The following PLD5 variants were observed in gnomAD, a reference collection of about 807,000 sequenced individuals.
PLD5 encodes the protein phospholipase D family member 5.
PLD5 carries 36 observed loss-of-function variants against 61.1 expected under a neutral mutation model. The ratio of observed to expected loss-of-function variants is 0.59; its 90% CI spans 0.45 to 0.78. The LOEUF (loss-of-function observed/expected upper bound fraction) is 0.78. Ranked by LOEUF, PLD5 falls within the 30% of genes least tolerant of loss-of-function variation. PLD5 has a pLI of 0.00. For missense variants in PLD5, 515 were observed against 644.4 expected (o/e 0.80, Z 2.17); for synonymous variants, 243 against 242.8 (o/e 1.00, Z -0.01).
At chr1:242,110,225 T>C (rs969883829) in intron 7 of PLD5, among the ~76,000 whole-genome samples, 6 of 151,970 alleles carry the variant, frequency 3.9e-5, no homozygotes, top group Non-Finnish European at 8.8e-5. Context: ...AAGAGTTTGA[T>C]GAGTGAACAA....
At chr1:242,216,283 T>A (rs1670191496) in intron 5 of PLD5, among the ~76,000 whole-genome samples, 1 of 152,064 alleles carries the variant, frequency 6.6e-6, no homozygotes, top group Non-Finnish European at 1.5e-5. Flanking sequence ...AAGGGGGAGA[T>A]GTGGGAGTTC....
intron 2 of PLD5, among the ~76,000 whole-genome samples, chr1:242,298,084 A>C (rs956366890): frequency 1.3e-5 from 2 of 151,948 alleles, no homozygotes; most frequent in Non-Finnish European, 2.9e-5. Context: ...TTAATACTTT[A>C]TTTTTTGTCA....
chr1:242,396,901 A>G (rs1663613677), intron 1 of PLD5, among the ~76,000 whole-genome samples: 1 of 151,528 alleles, frequency 6.6e-6, no homozygotes, highest in African/African-American at 2.4e-5. Context: ...GATGGTCTCG[A>G]TATCTTGACC....
At chr1:242,493,882 G>T (rs2102980714) in intron 1 of PLD5, among the ~76,000 whole-genome samples, 1 of 152,286 alleles carries the variant, frequency 6.6e-6, no homozygotes, top group South Asian at 2.1e-4. Flanking sequence ...TAGTATTCCT[G>T]ACTGCAAAAA....
chr1:242,158,624 C>CT (rs1030090178), intron 5 of PLD5, among the ~76,000 whole-genome samples: 29 of 152,278 alleles, frequency 1.9e-4, no homozygotes, highest in African/African-American at 6.3e-4. Context: ...CCTGCTTCAG[C>CT]TCACCCTCCA....
At chr1:242,193,909 C>T (rs181699024) in intron 5 of PLD5, among the ~76,000 whole-genome samples, 1 of 152,348 alleles carries the variant, frequency 6.6e-6, no homozygotes, top group East Asian at 1.9e-4. Context: ...AAAGTCTTCA[C>T]TGTCAGAATA....
chr1:242,402,034 C>T (rs1213939092), intron 1 of PLD5, among the ~76,000 whole-genome samples: 1 of 152,238 alleles, frequency 6.6e-6, no homozygotes, highest in Non-Finnish European at 1.5e-5. Flanking sequence ...CTTCCGCCTG[C>T]ACCATGCTTC....
chr1:242,346,768 C>G (rs1412223205), intron 2 of PLD5, among the ~76,000 whole-genome samples: 1 of 152,208 alleles, frequency 6.6e-6, no homozygotes, highest in Admixed American at 6.5e-5. Context: ...TTAAGCCCAG[C>G]ATCCATCAGC....
At chr1:242,477,147 G>T (rs1031399073) in intron 1 of PLD5, among the ~76,000 whole-genome samples, 3 of 152,152 alleles carry the variant, frequency 2.0e-5, no homozygotes, top group African/African-American at 7.2e-5. Context: ...CTACTGGGGA[G>T]GCTGAGGCAG....
chr1:242,303,951 TC>T (rs1676203262), intron 2 of PLD5, among the ~76,000 whole-genome samples: 1 of 152,190 alleles, frequency 6.6e-6, no homozygotes, highest in African/African-American at 2.4e-5. Context: ...ATTTGCAAAT[TC>T]TTTTTTGCCC....
At chr1:242,173,273 C>G (rs758880588) in intron 5 of PLD5, among the ~76,000 whole-genome samples, 4 of 152,036 alleles carry the variant, frequency 2.6e-5, no homozygotes, top group Non-Finnish European at 4.4e-5. Context: ...GACAGAGAGC[C>G]AAATCATGAG....
intron 5 of PLD5, among the ~76,000 whole-genome samples, chr1:242,189,048 A>G (rs1433391447): frequency 6.6e-6 from 1 of 152,272 alleles, no homozygotes; most frequent in African/African-American, 2.4e-5. Flanking sequence ...GTCCTTTAAA[A>G]TCAAAAGCAT....
intron 1 of PLD5, among the ~76,000 whole-genome samples, chr1:242,362,258 G>A (rs1158125504): frequency 1.3e-5 from 2 of 152,006 alleles, no homozygotes; most frequent in Non-Finnish European, 2.9e-5. Flanking sequence ...GGGACTCAAA[G>A]ACATTTGGCC....
intron 1 of PLD5, among the ~76,000 whole-genome samples, chr1:242,394,420 A>ATG (rs1224212297): frequency 1.9e-5 from 2 of 107,676 alleles, no homozygotes; most frequent in African/African-American, 7.7e-5. Flanking sequence ...ATGAGTATAT[A>ATG]TGTGTGTATA....
chr1:242,457,108 T>C lies in PLD5; in HGVS notation c.189+66980A>G, dbSNP rs140995301. On this transcript the variant is annotated intron_variant, in intron 1 of 9. Coordinates refer to ENST00000536534, the MANE Select transcript of PLD5 (RefSeq NM_001372062.1). Reference sequence around the variant, plus strand: ...GCCACGTCTCATGTTAAAAAACATATGTTTTCATGTTTTGTGGTGATGGGA... The same window carrying C: ...GCCACGTCTCATGTTAAAAAACATACGTTTTCATGTTTTGTGGTGATGGGA... Among the ~76,000 whole-genome samples the C allele has an allele frequency of 6.8e-3, 1,036 of 152,288 alleles. 16 individuals are homozygous for C. Among genetic ancestry groups the C allele is most frequent in the African/African-American group, 0.024 (990 of 41,550 alleles).
chr1:242,397,021 T>C (rs575154743), intron 1 of PLD5, among the ~76,000 whole-genome samples: 1 of 152,252 alleles, frequency 6.6e-6, no homozygotes, highest in East Asian at 1.9e-4. Context: ...TCAGTCTCCT[T>C]TGTTAGTTTC....
chr1:242,253,548 C>T (rs1301448523), intron 4 of PLD5, among the ~76,000 whole-genome samples: 2 of 151,786 alleles, frequency 1.3e-5, no homozygotes, highest in Non-Finnish European at 2.9e-5. Context: ...CTCCTGACCT[C>T]GTGATCTGCC....
chr1:242,339,377 C>T (rs529577603), intron 2 of PLD5, among the ~76,000 whole-genome samples: 22 of 152,144 alleles, frequency 1.4e-4, no homozygotes, highest in African/African-American at 3.6e-4. Flanking sequence ...GTTCCCATTA[C>T]AGGAATGGAC....
chr1:242,145,585 A>G (rs1044553335), intron 5 of PLD5, among the ~76,000 whole-genome samples: 16 of 152,216 alleles, frequency 1.1e-4, no homozygotes, highest in Non-Finnish European at 1.5e-4. Flanking sequence ...AGTGTCATAG[A>G]TGATAAGAAC....
Sources: allele counts gnomAD v4.1 joint callset (sites outside exome capture counted in the v4.1 genomes callset), GRCh38; gene constraint gnomAD v4.1.1; transcripts MANE v1.5; gene names NCBI Gene and HGNC (gene_info 2026-07-23, HGNC 2026-07-21).